Variants in CCDC192 observed in about 807,000 individuals in gnomAD.
CCDC192 encodes the protein coiled-coil domain containing 192.
At chr5:127,913,126 C>T (rs1448913371) in intron 6 of CCDC192, among the ~76,000 whole-genome samples, 1 of 152,160 alleles carries the variant, frequency 6.6e-6, no homozygotes, top group Non-Finnish European at 1.5e-5. Flanking sequence ...ACTTAAGTCC[C>T]AGCTCCATAA....
intron 2 of CCDC192, among the ~76,000 whole-genome samples, chr5:127,713,266 G>A (rs1011175006): frequency 4.6e-5 from 7 of 151,900 alleles, no homozygotes; most frequent in Non-Finnish European, 1.0e-4. Context: ...GTTCTAATAG[G>A]CTTAGTTATA....
Position 127,859,476 on chromosome 5 carries a change from A to G in CCDC192, c.412-16062A>G, listed in dbSNP as rs566485221. Among the ~76,000 whole-genome samples the G allele has an allele frequency of 7.2e-5, 11 of 152,294 alleles. No homozygotes were observed. In the South Asian group the frequency reaches 2.1e-3, roughly 29 times the overall value. On this transcript the variant is annotated intron_variant, in intron 5 of 6. Coordinates refer to ENST00000514853, the MANE Select transcript of CCDC192 (RefSeq NM_001317938.2). ...TAGGAAGTTTCTCCCAAATACAGAT[A>G]ACTTAAGTTCCACCTCAGCTCTGGT...
At chr5:127,823,184 A>G (rs1749374685) in intron 5 of CCDC192, among the ~76,000 whole-genome samples, 1 of 152,224 alleles carries the variant, frequency 6.6e-6, no homozygotes, top group Non-Finnish European at 1.5e-5. Context: ...GTGCAGCGAC[A>G]GTAATCTCAT....
chr5:127,832,360 C>A (rs1365603956), intron 5 of CCDC192, among the ~76,000 whole-genome samples: 1 of 152,172 alleles, frequency 6.6e-6, no homozygotes, highest in African/African-American at 2.4e-5. Context: ...TGCATGTGTC[C>A]TCTATCTGTG....
intron 6 of CCDC192, among the ~76,000 whole-genome samples, chr5:127,890,335 T>A (rs927094427): frequency 2.0e-5 from 3 of 152,062 alleles, no homozygotes; most frequent in Non-Finnish European, 2.9e-5. Context: ...TGTCATTTTG[T>A]GACTTTCCCA....
intron 5 of CCDC192, among the ~76,000 whole-genome samples, chr5:127,842,952 T>C (rs1450906096): frequency 1.3e-5 from 2 of 152,160 alleles, no homozygotes; most frequent in East Asian, 3.8e-4. Flanking sequence ...GTGCAAGGAA[T>C]TGGAGTTTCA....
chr5:127,906,374 GT>G (rs1297147634), intron 6 of CCDC192, among the ~76,000 whole-genome samples: 1 of 152,220 alleles, frequency 6.6e-6, no homozygotes, highest in African/African-American at 2.4e-5. Context: ...AGACTGAATA[GT>G]TTTCCATTGT....
intron 6 of CCDC192, among the ~76,000 whole-genome samples, chr5:127,885,556 T>C (rs922469291): frequency 3.9e-5 from 6 of 152,186 alleles, no homozygotes; most frequent in Middle Eastern, 3.2e-3. Context: ...CTCACTATTA[T>C]TTTATTTAGT....
At chr5:127,765,487 A>AT (rs1388456534) in intron 3 of CCDC192, among the ~76,000 whole-genome samples, 1 of 152,240 alleles carries the variant, frequency 6.6e-6, no homozygotes, top group Non-Finnish European at 1.5e-5. Flanking sequence ...TACAATAAAT[A>AT]TCAGTAGATA....
At chr5:127,839,172 G>C (rs1750164754) in intron 5 of CCDC192, among the ~76,000 whole-genome samples, 1 of 152,136 alleles carries the variant, frequency 6.6e-6, no homozygotes, top group African/African-American at 2.4e-5. Flanking sequence ...CAATAATAAG[G>C]CTACCTATTA....
chr5:127,709,589 G>C (rs1213119056), intron 2 of CCDC192, among the ~76,000 whole-genome samples: 2 of 152,094 alleles, frequency 1.3e-5, no homozygotes, highest in Non-Finnish European at 2.9e-5. Context: ...AGACAAACTG[G>C]ACATAGCTCT....
intron 6 of CCDC192, among the ~76,000 whole-genome samples, chr5:127,919,071 A>ATGTGTG (rs753703678): frequency 5.3e-5 from 7 of 132,274 alleles, no homozygotes; most frequent in African/African-American, 2.3e-4. Flanking sequence ...GTGTGTGTAT[A>ATGTGTG]TATGTGTGTG....
chr5:127,828,311 C>T (rs866714268), intron 5 of CCDC192, among the ~76,000 whole-genome samples: 12 of 152,126 alleles, frequency 7.9e-5, no homozygotes, highest in South Asian at 2.1e-4. Context: ...TATGTGGTCT[C>T]GAGAAAAGGT....
intron 2 of CCDC192, among the ~76,000 whole-genome samples, chr5:127,748,633 A>C (rs1312854721): frequency 6.9e-6 from 1 of 143,966 alleles, no homozygotes; most frequent in Non-Finnish European, 1.6e-5. Context: ...AGTTTTTTCC[A>C]ATTCTGTGAA....
intron 6 of CCDC192, among the ~76,000 whole-genome samples, chr5:127,926,868 A>G (rs1231637880): frequency 6.6e-6 from 1 of 152,190 alleles, no homozygotes; most frequent in Non-Finnish European, 1.5e-5. Context: ...TCCATGCAGT[A>G]ATTACTCTGA....
intron 2 of CCDC192, among the ~76,000 whole-genome samples, chr5:127,708,349 T>C (rs1425356262): frequency 1.3e-5 from 2 of 152,178 alleles, no homozygotes; most frequent in African/African-American, 2.4e-5. Flanking sequence ...TGTGGGTTGC[T>C]AAGAGGTGCT....
At chr5:127,930,254 A>G (rs948839832) in intron 6 of CCDC192, among the ~76,000 whole-genome samples, 1 of 151,654 alleles carries the variant, frequency 6.6e-6, no homozygotes, top group Non-Finnish European at 1.5e-5. Context: ...AAACTAAACT[A>G]AAATAAAAAG....
chr5:127,897,839 A>T (rs1752935789), intron 6 of CCDC192, among the ~76,000 whole-genome samples: 1 of 152,208 alleles, frequency 6.6e-6, no homozygotes, highest in Non-Finnish European at 1.5e-5. Flanking sequence ...TTCAAAAGTA[A>T]CCTTTATAAT....
At chr5:127,877,766 G>T (rs1752140449) in intron 6 of CCDC192, among the ~76,000 whole-genome samples, 1 of 152,090 alleles carries the variant, frequency 6.6e-6, no homozygotes, top group Admixed American at 6.6e-5. Flanking sequence ...TTAATCACAG[G>T]ACAATGAGGG....
Sources: gnomAD v4.1 joint callset for allele counts (sites outside exome capture counted in the v4.1 genomes callset) on GRCh38, gnomAD v4.1.1 for gene constraint, MANE v1.5 for transcripts, NCBI Gene and HGNC (gene_info 2026-07-23, HGNC 2026-07-21) for gene names.